RPL3: variants seen among roughly 807,000 people sequenced by gnomAD.
The protein encoded by RPL3 is ribosomal protein L3, also known as large ribosomal subunit protein uL3.
RPL3 carries 3 observed loss-of-function variants against 46.0 expected under a neutral mutation model. The observed-to-expected ratio is 0.07, with a 90% CI of 0.03 to 0.17. The LOEUF (loss-of-function observed/expected upper bound fraction) is 0.17. Among genes scored for constraint, RPL3 ranks in the 10% least tolerant of loss-of-function variants. The pLI is 1.00. For missense variants in RPL3, 387 were observed against 532.7 expected, an observed-to-expected ratio of 0.73 and a Z score of 2.69; for synonymous variants, 224 against 190.8, an observed-to-expected ratio of 1.17 and a Z score of -1.43.
chr22:39,318,775 G>A (rs1056925741), intron 1 of RPL3, among the ~76,000 whole-genome samples, 183 bp from the exon 2 acceptor site: 9 of 152,106 alleles, frequency 5.9e-5, no homozygotes, highest in Admixed American at 3.3e-4. Flanking sequence ...TTTTGTATTC[G>A]ACAAAATTTA....
At chr22:39,318,633 C>G (rs536654909) in intron 1 of RPL3, 41 bp from the exon 2 acceptor site, 1 of 1,521,214 alleles carries the variant, frequency 6.6e-7, no homozygotes, top group African/African-American at 1.4e-5. Context: ...CAAACCAAAG[C>G]AGTGCCCCCT....
intron 2 of RPL3, chr22:39,317,932 GCT>G (rs1922805962): frequency 2.4e-6 from 1 of 409,810 alleles, no homozygotes; most frequent in African/African-American, 2.0e-5. Flanking sequence ...CCTAACAATA[GCT>G]CTGAGCTCAG....
intron 8 of RPL3, 69 bp from the exon 9 acceptor site, chr22:39,313,379 GCCCCTGCAT>G (rs1922476591): frequency 6.3e-7 from 1 of 1,589,610 alleles, no homozygotes; most frequent in Non-Finnish European, 8.6e-7. Flanking sequence ...TGTTCACAGC[GCCCCTGCAT>G]CTGGGAAGCC....
intron 5 of RPL3, 177 bp downstream of exon 5, chr22:39,315,192 C>G (rs761274931): frequency 1.0e-6 from 1 of 996,568 alleles, no homozygotes. Flanking sequence ...CTCCGCTATC[C>G]CAGCCACTTC....
intron 8 of RPL3, 31 bp downstream of exon 8, chr22:39,313,603 C>G (rs752032323): frequency 1.3e-6 from 2 of 1,593,738 alleles, no homozygotes; most frequent in Admixed American, 1.7e-5. Context: ...TCTACAAGAG[C>G]CCCCCCATGA....
chr22:39,316,002 G>A (rs1195903838), intron 4 of RPL3, among the ~76,000 whole-genome samples: 2 of 152,200 alleles, frequency 1.3e-5, no homozygotes, highest in East Asian at 1.9e-4. Context: ...CACTTTGGGA[G>A]GCCGAGGCAG....
chr22:39,314,478 ACACCAGTCAGCCC>A, intron 6 of RPL3, 195 bp downstream of exon 6: 1 of 667,604 alleles, frequency 1.5e-6, no homozygotes, highest in Non-Finnish European at 2.5e-6. Flanking sequence ...ATCCCCAGCC[ACACCAGTCAGCCC>A]CACCACAGCC....
chr22:39,317,520 G>C lies in RPL3; in HGVS notation c.306C>G (p.Phe102Leu). 2.5e-6 allele frequency: 4 copies of C among 1,613,948 alleles called. No homozygotes were observed. The highest frequency in any genetic ancestry group is 3.4e-6 in the Non-Finnish European group (4 of 1,179,876). ...YVETPRGLRT[F>L]KTVFAEHISD... The stretch of plus-strand genomic sequence containing the variant: ...TGATGTGCTCAGCAAAGACAGTCTT[G>C]AAGGTCCGGAGGCCTCGAGGGGTTT... Residue 102 changes from phenylalanine (F) to leucine (L), a missense_variant, in exon 3 of 10, where the codon TTC becomes TTG. Around this residue, in one of 5 missense-constraint regions of RPL3, gnomAD observed 196 missense variants for 217.5 expected, o/e 0.90. Transcript: ENST00000216146.
intron 2 of RPL3, 151 bp from the exon 3 acceptor site, chr22:39,317,780 T>A: frequency 1.3e-6 from 1 of 764,814 alleles, no homozygotes; most frequent in East Asian, 2.6e-5. Context: ...TTACTGCCTA[T>A]CTCTCATTCA....
intron 2 of RPL3, 114 bp from the exon 3 acceptor site, chr22:39,317,743 C>T: frequency 8.6e-7 from 1 of 1,160,802 alleles, no homozygotes; most frequent in South Asian, 1.4e-5. Context: ...GGCCCCACAC[C>T]TGCAGTACGG....
Position 39,313,329 on chromosome 22 carries a change from A to C in RPL3, c.1048-19T>G, listed in dbSNP as rs777148034. 3.7e-6 allele frequency: 6 copies of C among 1,613,890 alleles called. No homozygotes were observed. The highest frequency in any genetic ancestry group is 1.1e-5 in the South Asian group (1 of 91,014). ...GCAAGGACTATGGGCCAAGAGGGGA[A>C]GGGATTTAGGATTACGAGGAGCCAG... On this transcript the variant is annotated intron_variant, in intron 8 of 9. Transcript: ENST00000216146.
chr22:39,314,630 A>C (rs1601627653), intron 6 of RPL3, 56 bp downstream of exon 6: 2 of 1,552,316 alleles, frequency 1.3e-6, no homozygotes, highest in Non-Finnish European at 1.7e-6. Flanking sequence ...CAGAAACCCC[A>C]CTCCCCATCA....
At position 39,317,584 on chromosome 22, in the gene RPL3, G is replaced by A; in HGVS notation, c.242C>T (p.Thr81Ile). The A allele has an allele frequency of 1.2e-6, 2 of 1,613,904 alleles. No homozygotes were observed. The highest frequency in any genetic ancestry group is 1.7e-6 in the Non-Finnish European group (2 of 1,179,840). The stretch of plus-strand genomic sequence containing the variant: ...AATGCCCACAACCACCATGGGTGGT[G>A]TCTCTACAATGGTCACAGCCTCCAC... ...EVVEAVTIVE[T>I]PPMVVVGIVG... The change falls in exon 3 of 10, where the codon ACA (threonine) becomes ATA (isoleucine). Residue 81 changes from threonine to isoleucine, a missense_variant. Transcript: ENST00000216146.
chr22:39,312,966 G>C lies in RPL3; in HGVS notation c.1186C>G (p.Arg396Gly). The change falls in exon 10 of 10, where the codon CGA becomes GGA. Residue 396 changes from arginine to glycine, a missense_variant. Arg to Gly is a moderately radical substitution (Grantham distance 125). Coordinates refer to ENST00000216146, the MANE Select transcript of RPL3 (RefSeq NM_000967.4). ...TAAGCTCCTTCTTCCTTTGCAATTC[G>C]GTCTTTCTTCAGTGGTCCCTGTGGG... ...KAFMGPLKKD[R>G]IAKEEGA is the part of the protein sequence containing the mutation. 1 of 1,614,100 alleles carries C rather than the reference G, an allele frequency of 6.2e-7. No individual in the cohort carries two copies. Among genetic ancestry groups the C allele is most frequent in the Non-Finnish European group, 8.5e-7 (1 of 1,179,978 alleles).
At chr22:39,316,946 A>G (rs1471356198) in intron 3 of RPL3, 105 bp from the exon 4 acceptor site, 1 of 1,572,352 alleles carries the variant, frequency 6.4e-7, no homozygotes, top group East Asian at 2.2e-5. Flanking sequence ...GATGGAGCTC[A>G]TTGCCGGCTT....
intron 4 of RPL3, 134 bp downstream of exon 4, chr22:39,316,572 G>A: frequency 1.8e-6 from 2 of 1,113,064 alleles, no homozygotes; most frequent in Non-Finnish European, 2.6e-6. Flanking sequence ...CTTGCTAAGG[G>A]CCAGTAAGGA....
At chr22:39,315,115 T>C in intron 5 of RPL3, 4 of 769,368 alleles carry the variant, frequency 5.2e-6, no homozygotes, top group Non-Finnish European at 6.8e-6. Context: ...AAGCTCCCCT[T>C]TGCAGTTATC....
intron 4 of RPL3, 97 bp from the exon 5 acceptor site, chr22:39,315,652 C>T (rs1922640754): frequency 8.5e-6 from 12 of 1,413,122 alleles, no homozygotes; most frequent in Middle Eastern, 1.8e-4. Context: ...GTCAAGCACA[C>T]GGCAAAAAGC....
At position 39,317,463 on chromosome 22, in the gene RPL3, A is replaced by G. The variant is rs756238786; in HGVS notation, c.363T>C (p.Asn121=). The change falls in exon 3 of 10, where the codon AAT becomes AAC. Residue 121 remains asparagine, a splice_region_variant and synonymous_variant. Coordinates refer to ENST00000216146, the MANE Select transcript of RPL3 (RefSeq NM_000967.4). ...SDECKRRFYK[N]WHKSKKKAFT... is the part of the protein sequence containing the mutation. ...GACTGCATGGCCTCCTCCCTTACCA[A>G]TTCTTATAGAAACGCCTCTTGCATT... The G allele has an allele frequency of 1.2e-6, 2 of 1,613,216 alleles. No individual in the cohort carries two copies. The highest frequency in any genetic ancestry group is 1.7e-6 in the Non-Finnish European group (2 of 1,179,342).
Sources: allele counts gnomAD v4.1 joint callset (sites outside exome capture counted in the v4.1 genomes callset), GRCh38; gene constraint gnomAD v4.1.1; regional missense constraint gnomAD v4.1.1; transcripts MANE v1.5; gene names NCBI Gene and HGNC (gene_info 2026-07-23, HGNC 2026-07-21).